The following PARP15 variants were observed in gnomAD, a reference collection of about 807,000 sequenced individuals.
PARP15 encodes protein mono-ADP-ribosyltransferase PARP15.
Under a neutral mutation model 62.1 loss-of-function variants are expected in PARP15, and 50 were observed. The observed-to-expected ratio is 0.81, with a 90% CI of 0.64 to 1.02. PARP15 has a LOEUF of 1.02. Ranked by LOEUF, PARP15 falls within the 50% of genes least tolerant of loss-of-function variation. The pLI, the probability that PARP15 is intolerant of heterozygous loss-of-function variation, is 0.00. For missense variants in PARP15, 820 were observed against 826.5 expected (o/e 0.99, Z 0.10); for synonymous variants, 309 against 293.1 (o/e 1.05, Z -0.55).
chr3:122,610,864 A>G (rs1252235766), intron 3 of PARP15, 134 bp downstream of exon 3: 1 of 650,086 alleles, frequency 1.5e-6, no homozygotes, highest in Non-Finnish European at 2.5e-6. Flanking sequence ...TGCTGCTGGT[A>G]TCTAGTGGGT....
chr3:122,628,658 C>CA (rs1360874823), intron 9 of PARP15, among the ~76,000 whole-genome samples: 6 of 152,090 alleles, frequency 3.9e-5, no homozygotes, highest in African/African-American at 1.4e-4. Flanking sequence ...GAGAAGCAAA[C>CA]AAAAAACTGA....
Position 122,635,067 on chromosome 3 carries a change from G to A in PARP15, c.1620G>A (p.Lys540=). 6.2e-7 allele frequency: 1 copy of A among 1,614,068 alleles called. No homozygotes were observed. Among genetic ancestry groups the A allele is most frequent in the Non-Finnish European group, 8.5e-7 (1 of 1,179,970 alleles). ...NAFLWQSYQV[K]KRQMDIKNDH... is the part of the protein sequence containing the mutation. ...TTCTCTGGCAGAGCTACCAGGTAAA[G>A]AAAAGGCAAATGGATATCAAGAATG... The change falls in exon 11 of 12, where the codon AAG becomes AAA. Residue 540 remains lysine (K), a synonymous_variant. Transcript: ENST00000464300.
At chr3:122,595,933 C>A (rs1172158984) in intron 1 of PARP15, among the ~76,000 whole-genome samples, 3 of 152,078 alleles carry the variant, frequency 2.0e-5, no homozygotes, top group African/African-American at 7.3e-5. Flanking sequence ...TCTCTACACT[C>A]TCTAGGATCT....
chr3:122,618,852 G>T (rs1181463804), intron 6 of PARP15, among the ~76,000 whole-genome samples: 1 of 152,138 alleles, frequency 6.6e-6, no homozygotes, highest in Non-Finnish European at 1.5e-5. Flanking sequence ...ACTGAAGCCC[G>T]CTGGTCAACA....
intron 7 of PARP15, 72 bp from the exon 8 acceptor site, chr3:122,621,371 AT>A: frequency 6.7e-7 from 1 of 1,488,872 alleles, no homozygotes; most frequent in Non-Finnish European, 9.0e-7. Flanking sequence ...AGCTGTTTTC[AT>A]TTCTCAAAAA....
chr3:122,626,692 C>G (rs1049840289), intron 8 of PARP15, 135 bp from the exon 9 acceptor site: 2 of 715,902 alleles, frequency 2.8e-6, no homozygotes, highest in African/African-American at 3.6e-5. Context: ...AGAACACCAA[C>G]TAGCTGTGAG....
chr3:122,605,793 G>A (rs1452197421), intron 1 of PARP15, 143 bp from the exon 2 acceptor site: 6 of 717,708 alleles, frequency 8.4e-6, no homozygotes, highest in African/African-American at 1.8e-5. Context: ...TGTTGCCCAA[G>A]CTGTTCTTGA....
At position 122,626,726 on chromosome 3, in the gene PARP15, A is replaced by G. The variant is rs563214399; in HGVS notation, c.1232-101A>G. ...AGTGTCAGATCAATTCCTGGCTGTG[A>G]GGGGCTTTCCTGTTTCTCAGCACTG... On this transcript the variant is annotated intron_variant, in intron 8 of 11. Transcript: ENST00000464300. The G allele has an allele frequency of 8.7e-6, 9 of 1,031,326 alleles. No individual in the cohort carries two copies. The East Asian group carries it at 1.5e-4, about 17-fold the overall frequency. The allele number at this position is 1,031,326 out of a possible 1,614,324, so 63.9% of individuals were successfully genotyped here.
chr3:122,617,498 G>C (rs976471888), intron 6 of PARP15, among the ~76,000 whole-genome samples: 3 of 152,132 alleles, frequency 2.0e-5, no homozygotes, highest in African/African-American at 7.2e-5. Context: ...CACAAGTATA[G>C]TTTAGTACCT....
intron 6 of PARP15, 135 bp from the exon 7 acceptor site, chr3:122,619,646 G>A: frequency 5.6e-6 from 4 of 708,758 alleles, no homozygotes; most frequent in Non-Finnish European, 1.0e-5. Flanking sequence ...TATAGAAAGA[G>A]CAGTTGGTCG....
At chr3:122,591,004 T>C (rs2107819571) in intron 1 of PARP15, among the ~76,000 whole-genome samples, 1 of 152,362 alleles carries the variant, frequency 6.6e-6, no homozygotes. Flanking sequence ...TGAGTAAATC[T>C]GACTTTACAA....
chr3:122,588,983 G>A (rs965642947), intron 1 of PARP15, among the ~76,000 whole-genome samples: 5 of 152,216 alleles, frequency 3.3e-5, no homozygotes, highest in African/African-American at 9.6e-5. Context: ...TCAGTTGGTG[G>A]ACATTTGGGT....
At chr3:122,634,152 C>T (rs1937217250) in intron 10 of PARP15, among the ~76,000 whole-genome samples, 1 of 152,188 alleles carries the variant, frequency 6.6e-6, no homozygotes, top group Admixed American at 6.5e-5. Flanking sequence ...TCTCTTCTTC[C>T]TCTGTTTCCA....
intron 2 of PARP15, 24 bp downstream of exon 2, chr3:122,606,079 C>G: frequency 6.5e-7 from 1 of 1,548,610 alleles, no homozygotes; most frequent in Non-Finnish European, 8.7e-7. Context: ...TTTAATAAAT[C>G]TACCAAGGAA....
At chr3:122,592,406 A>G (rs35861470) in intron 1 of PARP15, among the ~76,000 whole-genome samples, 14,662 of 152,072 alleles carry the variant, frequency 0.096, 863 homozygotes, top group African/African-American at 0.17. Context: ...ACATGAATAC[A>G]GGGAAGGGAA....
chr3:122,586,104 G>T lies in PARP15; in HGVS notation c.186+8251G>T, dbSNP rs1933406672. ...GTTAGTTTTACTGTGATTAGGTGTTGGTTGTGAGGTATGAATTGATATTTA... is the reference window on the plus strand; with the variant it reads ...GTTAGTTTTACTGTGATTAGGTGTTTGTTGTGAGGTATGAATTGATATTTA... On this transcript the variant is annotated intron_variant, in intron 1 of 11. Coordinates refer to ENST00000464300, the MANE Select transcript of PARP15 (RefSeq NM_001113523.3). 4.6e-5 allele frequency among the ~76,000 whole-genome samples: 7 copies of T among 152,170 alleles called. No homozygotes were observed. The South Asian group carries it at 1.5e-3, about 32-fold the overall frequency.
chr3:122,579,558 A>G (rs771649328), intron 1 of PARP15, among the ~76,000 whole-genome samples: 5 of 152,252 alleles, frequency 3.3e-5, no homozygotes, highest in African/African-American at 4.8e-5. Context: ...AACGTCATGT[A>G]CATGAAATCA....
At chr3:122,596,166 G>A (rs1934325647) in intron 1 of PARP15, among the ~76,000 whole-genome samples, 1 of 151,812 alleles carries the variant, frequency 6.6e-6, no homozygotes, top group African/African-American at 2.4e-5. Context: ...AGACCATCCT[G>A]GCCAACATGG....
rs570834061 is a variant in PARP15 at position 122,601,065 on chromosome 3, G to A, written c.187-4871G>A. Among the ~76,000 whole-genome samples, 12 of 86,070 alleles carry A rather than the reference G, an allele frequency of 1.4e-4. No homozygotes were observed. In the South Asian group the frequency reaches 2.2e-3, roughly 16 times the overall value. The allele number at this position is 86,070 out of a possible 152,430, so 56.5% of individuals were successfully genotyped here. A position where few individuals can be genotyped will look rare whatever the true frequency, so the allele number is the denominator to read the frequency against. On this transcript the variant is annotated intron_variant, in intron 1 of 11. Coordinates refer to ENST00000464300, the MANE Select transcript of PARP15 (RefSeq NM_001113523.3). ...TTTTTTTTTTTTTTTTTTTTGAGAC[G>A]GAGCCTTGCTCTGTTACCCAGGCTG...
Sources: gnomAD v4.1 joint callset for allele counts (sites outside exome capture counted in the v4.1 genomes callset) on GRCh38, gnomAD v4.1.1 for gene constraint, MANE v1.5 for transcripts, NCBI Gene and HGNC (gene_info 2026-07-23, HGNC 2026-07-21) for gene names.